The following FRMPD1 variants were observed in gnomAD, a reference collection of about 807,000 sequenced individuals.
FRMPD1 encodes the protein FERM and PDZ domain-containing protein 1.
In FRMPD1, 76 loss-of-function variants were observed where a neutral mutation model predicts 117.8. That is an observed-to-expected ratio of 0.65 (90% CI 0.54 to 0.78). FRMPD1 has a LOEUF of 0.78. FRMPD1 is among the 30% of genes least tolerant of loss of function. The pLI, the probability that FRMPD1 is intolerant of heterozygous loss-of-function variation, is 0.00. For synonymous variants in FRMPD1, 783 were observed against 770.4 expected (o/e 1.02, Z -0.27); for missense variants, 1,786 against 1,964.5 (o/e 0.91, Z 1.72).
At chr9:37,722,410 T>G (rs1189288456) in intron 6 of FRMPD1, among the ~76,000 whole-genome samples, 1 of 152,066 alleles carries the variant, frequency 6.6e-6, no homozygotes, top group Non-Finnish European at 1.5e-5. Context: ...CTGGAAGTTG[T>G]TTGTTTGTTT....
chr9:37,657,613 G>T (rs1490513919), intron 1 of FRMPD1, among the ~76,000 whole-genome samples: 1 of 152,156 alleles, frequency 6.6e-6, no homozygotes, highest in Non-Finnish European at 1.5e-5. Context: ...GACATTTTAT[G>T]TATAGGAGAT....
At chr9:37,660,302 AG>A (rs1820963691) in intron 1 of FRMPD1, among the ~76,000 whole-genome samples, 1 of 152,112 alleles carries the variant, frequency 6.6e-6, no homozygotes, top group African/African-American at 2.4e-5. Flanking sequence ...CATGCCTTGC[AG>A]GGAGATCTAG....
intron 15 of FRMPD1, 35 bp from the exon 16 acceptor site, chr9:37,744,354 G>C (rs769987525): frequency 6.8e-7 from 1 of 1,470,998 alleles, no homozygotes; most frequent in Non-Finnish European, 9.2e-7. Context: ...TTTTTTTTGT[G>C]CTTTTTAATG....
At chr9:37,650,937 T>C (rs1449830312), upstream of FRMPD1, 1 of 150,372 alleles carries the variant, frequency 6.7e-6, no homozygotes, top group East Asian at 2.0e-4. Flanking sequence ...CCCCTCCGGC[T>C]GCAGCCTCGG....
At chr9:37,605,969 A>G in the FRMPD1 span, among the ~76,000 whole-genome samples, 52 of 152,216 alleles carry the variant, frequency 3.4e-4, no homozygotes, top group African/African-American at 1.1e-3. Flanking sequence ...AGCCTCCCAC[A>G]TAGCTGGGAT....
chr9:37,724,269 G>C lies in FRMPD1; in HGVS notation c.561G>C (p.Leu187Phe), dbSNP rs1823526502. The C allele has an allele frequency of 1.2e-6, 2 of 1,605,336 alleles. No individual in the cohort carries two copies. Among genetic ancestry groups the C allele is most frequent in the African/African-American group, 2.7e-5 (2 of 74,748 alleles). ...LCMPNVLKLY[L>F]ENGQTKAFKF... ...TGCCCAACGTGCTCAAGCTATACTT[G>C]GAGAATGGACAGACCAAAGCTTTCA... The change falls in exon 7 of 16, where the codon TTG (leucine) becomes TTC (phenylalanine). Residue 187 changes from leucine (L) to phenylalanine (F), a missense_variant. Transcript: ENST00000377765.
the FRMPD1 span, among the ~76,000 whole-genome samples, chr9:37,619,947 T>G: frequency 6.6e-6 from 1 of 151,542 alleles, no homozygotes; most frequent in African/African-American, 2.4e-5. Context: ...ATTCCCAGAT[T>G]CATTTGTTTC....
At chr9:37,659,543 T>C (rs1467351816) in intron 1 of FRMPD1, among the ~76,000 whole-genome samples, 1 of 152,174 alleles carries the variant, frequency 6.6e-6, no homozygotes, top group African/African-American at 2.4e-5. Flanking sequence ...CATTGCCGGT[T>C]CTCAGACGTA....
At chr9:37,679,314 C>T (rs1821640939) in intron 1 of FRMPD1, among the ~76,000 whole-genome samples, 1 of 152,208 alleles carries the variant, frequency 6.6e-6, no homozygotes, top group African/African-American at 2.4e-5. Flanking sequence ...TTTCTAACCC[C>T]ATCACTTTTC....
chr9:37,687,968 T>C (rs1428125003), intron 1 of FRMPD1, among the ~76,000 whole-genome samples: 1 of 152,112 alleles, frequency 6.6e-6, no homozygotes, highest in Admixed American at 6.6e-5. Context: ...AGAAAAGATG[T>C]ATTAATATAC....
At chr9:37,621,229 T>C in the FRMPD1 span, among the ~76,000 whole-genome samples, 1 of 152,114 alleles carries the variant, frequency 6.6e-6, no homozygotes, top group South Asian at 2.1e-4. Context: ...GTTCACTGAA[T>C]AGATGAGTGA....
chr9:37,726,644 G>A (rs1588960869), intron 7 of FRMPD1, among the ~76,000 whole-genome samples: 1 of 152,092 alleles, frequency 6.6e-6, no homozygotes, highest in East Asian at 1.9e-4. Context: ...GTTGCAGTGA[G>A]CCGAGACCAT....
the FRMPD1 span, chr9:37,636,781 C>G: frequency 1.9e-6 from 3 of 1,609,514 alleles, no homozygotes; most frequent in African/African-American, 1.3e-5. Flanking sequence ...GCCCCATCTG[C>G]TTTTTGATCT....
At chr9:37,683,448 T>C (rs1040089328) in intron 1 of FRMPD1, among the ~76,000 whole-genome samples, 2 of 152,246 alleles carry the variant, frequency 1.3e-5, no homozygotes, top group African/African-American at 2.4e-5. Flanking sequence ...ATCATTGTTT[T>C]TACAGATGAG....
At position 37,740,450 on chromosome 9, in the gene FRMPD1, C is replaced by T; in HGVS notation, c.1922C>T (p.Ser641Phe). 2 of 1,614,218 alleles carry T rather than the reference C, an allele frequency of 1.2e-6. No individual in the cohort carries two copies. Among genetic ancestry groups the T allele is most frequent in the Non-Finnish European group, 8.5e-7 (1 of 1,180,036 alleles). ...GSPGLAESID[S>F]DSQEERSGIE... is the part of the protein sequence containing the mutation. ...CCAGGCCTCGCAGAGAGCATTGACT[C>T]TGACAGCCAGGAGGAGAGAAGCGGG... Residue 641 changes from serine (S) to phenylalanine (F), a missense_variant, in exon 15 of 16, where the codon TCT (serine) becomes TTT (phenylalanine). Physicochemically the swap from Ser to Phe is radical, Grantham distance 155. Transcript: ENST00000377765. This position sits in a 1 kb window ranked among gnomAD's most constrained non-coding sequence, Gnocchi z 4.2.
intron 6 of FRMPD1, among the ~76,000 whole-genome samples, chr9:37,722,600 G>C (rs189677710): frequency 6.6e-6 from 1 of 152,192 alleles, no homozygotes; most frequent in East Asian, 1.9e-4. Flanking sequence ...TAGAGACAAG[G>C]TTTCACCATG....
At chr9:37,718,372 A>T (rs980156451) in intron 5 of FRMPD1, among the ~76,000 whole-genome samples, 4 of 152,350 alleles carry the variant, frequency 2.6e-5, no homozygotes, top group East Asian at 3.9e-4. Flanking sequence ...AAAATAGTGT[A>T]TCAGGATTTC....
intron 2 of FRMPD1, among the ~76,000 whole-genome samples, chr9:37,702,445 T>C (rs1376469077): frequency 6.6e-6 from 1 of 152,148 alleles, no homozygotes; most frequent in Admixed American, 6.5e-5. Flanking sequence ...CTCGGGGCCA[T>C]AAGAGAGGGT....
Position 37,740,908 on chromosome 9 carries a change from C to G in FRMPD1, c.2356+24C>G. On this transcript the variant is annotated intron_variant, in intron 15 of 15. Coordinates refer to ENST00000377765, the MANE Select transcript of FRMPD1 (RefSeq NM_014907.3). The surrounding 1 kb of genome is among the most constrained non-coding windows in gnomAD (Gnocchi z 4.2). ...AGGTGAGCCGTCCCTTGCAGGTCTG[C>G]AGACACGGCAGGCAGCTCCTGAGTG... The G allele has an allele frequency of 3.2e-6, 5 of 1,583,592 alleles. No individual in the cohort carries two copies. Among genetic ancestry groups the G allele is most frequent in the Non-Finnish European group, 4.3e-6 (5 of 1,152,126 alleles).
Sources: allele counts gnomAD v4.1 joint callset (sites outside exome capture counted in the v4.1 genomes callset), GRCh38; gene constraint gnomAD v4.1.1; non-coding constraint Gnocchi (gnomAD v3.1); transcripts MANE v1.5; gene names NCBI Gene and HGNC (gene_info 2026-07-23, HGNC 2026-07-21).